The following PCDHGB7 variants were observed in gnomAD, a reference collection of about 807,000 sequenced individuals.
The protein encoded by PCDHGB7 is protocadherin gamma subfamily B, 7.
A neutral mutation model predicts 61.4 loss-of-function variants in PCDHGB7; 37 were observed. That is an observed-to-expected ratio of 0.60 (90% CI 0.46 to 0.79). The LOEUF is 0.79. Among genes scored for constraint, PCDHGB7 ranks in the 30% least tolerant of loss-of-function variants. The pLI, the probability that PCDHGB7 is intolerant of heterozygous loss-of-function variation, is 0.00. For missense variants in PCDHGB7, 1,166 were observed against 1,202.5 expected, an observed-to-expected ratio of 0.97 and a Z score of 0.45; for synonymous variants, 464 against 503.5, an observed-to-expected ratio of 0.92 and a Z score of 1.05.
intron 2 of PCDHGB7, among the ~76,000 whole-genome samples, chr5:141,502,107 C>T (rs1292131951): frequency 6.6e-6 from 1 of 152,192 alleles, no homozygotes; most frequent in East Asian, 1.9e-4. Context: ...TGACCCTGCA[C>T]CCTCAGCCAG....
At chr5:141,467,748 G>A (rs186276272) in intron 1 of PCDHGB7, among the ~76,000 whole-genome samples, 22 of 151,912 alleles carry the variant, frequency 1.4e-4, no homozygotes, top group South Asian at 2.1e-4. Context: ...TGCAACCTCC[G>A]CCTCACATGC....
At position 141,420,019 on chromosome 5, in the gene PCDHGB7, C is replaced by T. The variant is rs2096459006; in HGVS notation, c.2160C>T (p.Ser720=). 13 of 1,614,072 alleles carry T rather than the reference C, an allele frequency of 8.1e-6. No homozygotes were observed. In the East Asian group the frequency reaches 2.7e-4, roughly 33 times the overall value. The change falls in exon 1 of 4, where the codon AGC becomes AGT. Residue 720 remains serine, a synonymous_variant. Coordinates refer to ENST00000398594, the MANE Select transcript of PCDHGB7 (RefSeq NM_018927.4). ...AIALRLRQSF[S]PTAGDCFESV... ...CTCTACGCCTGCGACAGTCTTTCAGCCCTACTGCAGGAGACTGCTTTGAGT... is the reference window on the plus strand; with the variant it reads ...CTCTACGCCTGCGACAGTCTTTCAGTCCTACTGCAGGAGACTGCTTTGAGT...
chr5:141,511,450 C>A lies in PCDHGB7; in HGVS notation c.*277C>A. Reference sequence around the variant, plus strand: ...TGGGGTTACTGTAGACACCAAGAACCATTTGCCACACCCCGTTTAGTTACA... The same window carrying A: ...TGGGGTTACTGTAGACACCAAGAACAATTTGCCACACCCCGTTTAGTTACA... On this transcript the variant is annotated 3_prime_UTR_variant, in exon 4 of 4. Transcript: ENST00000398594. The A allele has an allele frequency of 3.3e-6, 2 of 615,088 alleles. No homozygotes were observed. The highest frequency in any genetic ancestry group is 6.8e-5 in the East Asian group (2 of 29,272). The allele number at this position is 615,088 out of a possible 1,614,324, so 38.1% of individuals were successfully genotyped here.
chr5:141,433,367 C>CTATA, intron 1 of PCDHGB7: 2 of 549,818 alleles, frequency 3.6e-6, no homozygotes, highest in South Asian at 4.5e-5. Flanking sequence ...GCCTATCTAT[C>CTATA]TATCTATCTA....
In PCDHGB7 at chr5:141,487,107, T is replaced by C. The variant is rs1193091014; in HGVS notation, c.2416-7700T>C. 6.2e-7 allele frequency: 1 copy of C among 1,613,926 alleles called. No individual in the cohort carries two copies. The highest frequency in any genetic ancestry group is 8.5e-7 in the Non-Finnish European group (1 of 1,179,782). On this transcript the variant is annotated intron_variant, in intron 1 of 3. Transcript: ENST00000398594. This position sits in a 1 kb window ranked among gnomAD's most constrained non-coding sequence, Gnocchi z 5.0. ...GACCTCCCACCACAGAAGCTGGTCA[T>C]TGTGGTAAAGGATAGTGGTAGTCCA...
chr5:141,466,068 G>C (rs1278308918), intron 1 of PCDHGB7, among the ~76,000 whole-genome samples: 4 of 152,080 alleles, frequency 2.6e-5, no homozygotes, highest in Admixed American at 2.6e-4. Flanking sequence ...CTTGCAGTGA[G>C]CTGATATCAT....
chr5:141,417,783 C>T lies in PCDHGB7; in HGVS notation c.-77C>T. On this transcript the variant is annotated 5_prime_UTR_variant, in exon 1 of 4. Transcript: ENST00000398594. ...ACCCGGGACTCCTCCTGTCCTGGGCCGAATGCTCTTTTAGCGCGGTAGAGT... is the reference window on the plus strand; with the variant it reads ...ACCCGGGACTCCTCCTGTCCTGGGCTGAATGCTCTTTTAGCGCGGTAGAGT... 6.8e-7 allele frequency: 1 copy of T among 1,474,286 alleles called. No homozygotes were observed. The highest frequency in any genetic ancestry group is 9.0e-7 in the Non-Finnish European group (1 of 1,110,526). The allele number at this position is 1,474,286 out of a possible 1,614,324, so 91.3% of individuals were successfully genotyped here.
chr5:141,449,588 CAAAAAAAAAAA>C (rs768743917), intron 1 of PCDHGB7, among the ~76,000 whole-genome samples: 1 of 57,492 alleles, frequency 1.7e-5, no homozygotes, highest in Non-Finnish European at 3.7e-5. Flanking sequence ...GACTCTGTCT[CAAAAAAAAAAA>C]AAAAAAAAGT....
At chr5:141,441,386 G>A (rs2098243752) in intron 1 of PCDHGB7, 1 of 153,358 alleles carries the variant, frequency 6.5e-6, no homozygotes, top group African/African-American at 2.4e-5. Flanking sequence ...ACAGACCCAA[G>A]GTATAACATC....
chr5:141,424,408 T>G (rs942542788), intron 1 of PCDHGB7: 1 of 152,224 alleles, frequency 6.6e-6, no homozygotes, highest in Non-Finnish European at 1.5e-5. Flanking sequence ...TATGGTGAAG[T>G]TACATTGACT....
chr5:141,479,035 C>A (rs2099486361), intron 1 of PCDHGB7, among the ~76,000 whole-genome samples: 1 of 152,104 alleles, frequency 6.6e-6, no homozygotes, highest in Non-Finnish European at 1.5e-5. Context: ...TTATACAGAT[C>A]GTGTACCTCA....
Position 141,431,253 on chromosome 5 carries a change from A to G in PCDHGB7, c.2415+10979A>G, listed in dbSNP as rs1554123268. The G allele has an allele frequency of 1.2e-6, 2 of 1,614,132 alleles. No individual in the cohort carries two copies. Among genetic ancestry groups the G allele is most frequent in the South Asian group, 1.1e-5 (1 of 91,088 alleles). ...GCCTGGGATCCGGATATCGGGAAGA[A>G]CTCTCTGCAGAGCTACGAGCTCAGC... is the stretch of plus-strand genomic sequence containing the variant. On this transcript the variant is annotated intron_variant, in intron 1 of 3. Transcript: ENST00000398594. The surrounding 1 kb of genome is among the most constrained non-coding windows in gnomAD (Gnocchi z 4.8).
rs2096278985 is a variant in PCDHGB7, at chr5:141,418,669, C to T, written c.810C>T (p.Asp270=). 1 of 1,614,018 alleles carries T rather than the reference C, an allele frequency of 6.2e-7. No individual in the cohort carries two copies. The highest frequency in any genetic ancestry group is 8.5e-7 in the Non-Finnish European group (1 of 1,179,868). ...TGAGAGTGAAGGCCACTGACCAGGA[C>T]GAGGGCATCAACTCAGAGATCACTT... The part of the protein sequence containing the change: ...SILRVKATDQ[D]EGINSEITYS... Residue 270 remains aspartate, a synonymous_variant, in exon 1 of 4, where the codon GAC becomes GAT. Coordinates refer to ENST00000398594, the MANE Select transcript of PCDHGB7 (RefSeq NM_018927.4).
At position 141,477,492 on chromosome 5, in the gene PCDHGB7, A is replaced by T; in HGVS notation, c.2416-17315A>T. ...AATGACAACCCTCCACAATCTTCTC[A>T]ATCTTCCTACGACGTTTACATTGAA... On this transcript the variant is annotated intron_variant, in intron 1 of 3. Coordinates refer to ENST00000398594, the MANE Select transcript of PCDHGB7 (RefSeq NM_018927.4). The surrounding 1 kb of genome is among the most constrained non-coding windows in gnomAD (Gnocchi z 4.9). The T allele has an allele frequency of 6.2e-7, 1 of 1,613,980 alleles. No individual in the cohort carries two copies. The highest frequency in any genetic ancestry group is 8.5e-7 in the Non-Finnish European group (1 of 1,179,958).
At chr5:141,447,283 G>T (rs1194678678) in intron 1 of PCDHGB7, among the ~76,000 whole-genome samples, 1 of 152,122 alleles carries the variant, frequency 6.6e-6, no homozygotes, top group East Asian at 1.9e-4. Context: ...GGGACTACAG[G>T]CACATGCCAC....
At chr5:141,458,403 C>T (rs1057108239) in intron 1 of PCDHGB7, among the ~76,000 whole-genome samples, 6 of 152,136 alleles carry the variant, frequency 3.9e-5, no homozygotes, top group African/African-American at 1.2e-4. Context: ...CTTGCAGAGA[C>T]GGAGCGGGGG....
At chr5:141,484,054 G>A (rs1192214731) in intron 1 of PCDHGB7, among the ~76,000 whole-genome samples, 4 of 152,044 alleles carry the variant, frequency 2.6e-5, no homozygotes, top group African/African-American at 9.7e-5. Flanking sequence ...AGGTCCCCTG[G>A]GGCTAAGTGA....
At chr5:141,507,106 A>T (rs1205648425) in intron 3 of PCDHGB7, 1 of 152,118 alleles carries the variant, frequency 6.6e-6, no homozygotes, top group African/African-American at 2.4e-5. Context: ...TACTATAGGG[A>T]CCATGGCTGC....
At chr5:141,443,871 G>A (rs1395939418) in intron 1 of PCDHGB7, among the ~76,000 whole-genome samples, 1 of 152,112 alleles carries the variant, frequency 6.6e-6, no homozygotes, top group East Asian at 1.9e-4. Context: ...AAAAATTACT[G>A]ATAAGTCAAG....
Sources: gnomAD v4.1 joint callset for allele counts (sites outside exome capture counted in the v4.1 genomes callset) on GRCh38, gnomAD v4.1.1 for gene constraint, Gnocchi (gnomAD v3.1) non-coding constraint, MANE v1.5 for transcripts, NCBI Gene and HGNC (gene_info 2026-07-23, HGNC 2026-07-21) for gene names.